Variants in TSPEAR observed in about 807,000 individuals in gnomAD.
The protein encoded by TSPEAR is thrombospondin-type laminin G domain and EAR repeat-containing protein.
A neutral mutation model predicts 71.6 loss-of-function variants in TSPEAR; 69 were observed. The ratio of observed to expected loss-of-function variants is 0.96; its 90% CI spans 0.79 to 1.18. TSPEAR has a LOEUF of 1.18. Among genes scored for constraint, TSPEAR ranks in the 50% most tolerant of loss-of-function variants. The pLI, the probability that TSPEAR is intolerant of heterozygous loss-of-function variation, is 0.00. For missense variants in TSPEAR, 971 were observed against 894.9 expected (o/e 1.09, Z -1.09); for synonymous variants, 402 against 387.2 (o/e 1.04, Z -0.45).
intron 1 of TSPEAR, among the ~76,000 whole-genome samples, chr21:44,610,882 G>A (rs1288501665): frequency 6.6e-6 from 1 of 152,172 alleles, no homozygotes; most frequent in East Asian, 1.9e-4. Context: ...GATCATTTTG[G>A]AGCTTTAAAA....
At chr21:44,508,086 G>T (rs2052246512) in intron 10 of TSPEAR, 1 of 152,248 alleles carries the variant, frequency 6.6e-6, no homozygotes, top group African/African-American at 2.4e-5. Flanking sequence ...TTCCTGGCCT[G>T]TCTACATACC....
intron 10 of TSPEAR, chr21:44,508,988 T>C: frequency 6.6e-7 from 1 of 1,526,454 alleles, no homozygotes; most frequent in Non-Finnish European, 8.9e-7. Context: ...GAACCAAACC[T>C]GTGTCTCAGG....
intron 1 of TSPEAR, among the ~76,000 whole-genome samples, chr21:44,613,384 C>T (rs73907054): frequency 0.025 from 3,810 of 152,290 alleles, 158 homozygotes; most frequent in African/African-American, 0.086. Context: ...GGCTCAGTCC[C>T]GGCTCAGCCC....
intron 1 of TSPEAR, among the ~76,000 whole-genome samples, chr21:44,615,297 G>A (rs923816584): frequency 7.2e-5 from 11 of 152,248 alleles, no homozygotes; most frequent in Admixed American, 1.3e-4. Context: ...CACCCGACCC[G>A]CACACACGCA....
At chr21:44,652,700 T>C (rs1984884675) in intron 1 of TSPEAR, among the ~76,000 whole-genome samples, 2 of 152,164 alleles carry the variant, frequency 1.3e-5, no homozygotes, top group Admixed American at 1.3e-4. Flanking sequence ...AACACTGAAA[T>C]GGCCAAAACT....
intron 1 of TSPEAR, among the ~76,000 whole-genome samples, chr21:44,576,083 T>G (rs1978423553): frequency 6.6e-6 from 1 of 152,182 alleles, no homozygotes; most frequent in African/African-American, 2.4e-5. Flanking sequence ...CTGGAAGAAG[T>G]GCCAACTATT....
At chr21:44,648,580 C>T (rs374007859) in intron 1 of TSPEAR, among the ~76,000 whole-genome samples, 1 of 152,184 alleles carries the variant, frequency 6.6e-6, no homozygotes, top group Non-Finnish European at 1.5e-5. Flanking sequence ...GGAGATGTTT[C>T]CACCTCACCA....
At chr21:44,704,144 G>T (rs994464753) in intron 1 of TSPEAR, among the ~76,000 whole-genome samples, 1 of 152,188 alleles carries the variant, frequency 6.6e-6, no homozygotes, top group Admixed American at 6.5e-5. Flanking sequence ...TTAGAACAGG[G>T]TTGGTGTAAA....
chr21:44,512,545 G>A (rs2052421484), intron 9 of TSPEAR, among the ~76,000 whole-genome samples: 1 of 152,174 alleles, frequency 6.6e-6, no homozygotes, highest in African/African-American at 2.4e-5. Flanking sequence ...GCAGGTGGCA[G>A]GAGCGTAGGG....
intron 1 of TSPEAR, among the ~76,000 whole-genome samples, chr21:44,672,802 T>C (rs1308209118): frequency 1.3e-5 from 2 of 152,170 alleles, no homozygotes; most frequent in African/African-American, 4.8e-5. Context: ...CTCCTGATAG[T>C]GAGTTCTCAC....
At chr21:44,596,220 A>G (rs1555927597) in intron 1 of TSPEAR, among the ~76,000 whole-genome samples, 2 of 152,234 alleles carry the variant, frequency 1.3e-5, no homozygotes, top group African/African-American at 4.8e-5. Flanking sequence ...TGCGGCCTCA[A>G]CGGGCAGCTC....
intron 1 of TSPEAR, among the ~76,000 whole-genome samples, chr21:44,699,377 C>CAAAAAA (rs55846070): frequency 4.0e-4 from 26 of 65,356 alleles, no homozygotes; most frequent in East Asian, 1.0e-3. Context: ...GACACTGTCT[C>CAAAAAA]AAAAAAAAAA....
rs150777153 is a variant in TSPEAR at position 44,557,916 on chromosome 21, A to C, written c.303+9869T>G. The C allele has an allele frequency of 3.8e-3, 4,092 of 1,083,454 alleles. 10 individuals carry two copies. Among genetic ancestry groups the C allele is most frequent in the Non-Finnish European group, 4.8e-3 (3,680 of 759,772 alleles). 67.1% of individuals were successfully genotyped at this position (1,083,454 alleles called of 1,614,324 possible). A position where few individuals can be genotyped will look rare whatever the true frequency, so the allele number is the denominator to read the frequency against. ...AGATGCATGCCTGGAGGGAATCGGC[A>C]TGAAAGCTCAGCATTGCTGGCTGGA... On this transcript the variant is annotated intron_variant, in intron 2 of 11. Transcript: ENST00000323084.
intron 1 of TSPEAR, chr21:44,579,370 T>G: frequency 3.7e-6 from 1 of 273,618 alleles, no homozygotes; most frequent in Non-Finnish European, 6.9e-6. Context: ...CTAGGTTAAG[T>G]CACTCATTCA....
At chr21:44,578,996 C>T (rs781908168) in intron 1 of TSPEAR, among the ~76,000 whole-genome samples, 1 of 152,182 alleles carries the variant, frequency 6.6e-6, no homozygotes, top group Non-Finnish European at 1.5e-5. Context: ...TCGTCCTGAT[C>T]GAGTCCCTTG....
chr21:44,687,200 G>T lies in TSPEAR; in HGVS notation c.82+24233C>A, dbSNP rs1986899359. Among the ~76,000 whole-genome samples, 1 of 152,176 alleles carries T rather than the reference G, an allele frequency of 6.6e-6. No individual in the cohort carries two copies. The highest frequency in any genetic ancestry group is 1.5e-5 in the Non-Finnish European group (1 of 68,024). On this transcript the variant is annotated intron_variant, in intron 1 of 11. Coordinates refer to ENST00000323084, the MANE Select transcript of TSPEAR (RefSeq NM_144991.3). The surrounding 1 kb of genome is among the most constrained non-coding windows in gnomAD (Gnocchi z 4.4). Reference sequence around the variant, plus strand: ...GCGTTTCCCCAGAGGCTGGATTGGGGCCACTGAGGCGGTGTGACAGGGAGG... The same window carrying T: ...GCGTTTCCCCAGAGGCTGGATTGGGTCCACTGAGGCGGTGTGACAGGGAGG...
At chr21:44,575,684 A>T (rs1978389791) in intron 1 of TSPEAR, among the ~76,000 whole-genome samples, 1 of 152,230 alleles carries the variant, frequency 6.6e-6, no homozygotes, top group African/African-American at 2.4e-5. Flanking sequence ...TTCTAGCGCC[A>T]TGCTTGCCCA....
At position 44,612,318 on chromosome 21, in the gene TSPEAR, C is replaced by T. The variant is rs142700218; in HGVS notation, c.83-44313G>A. On this transcript the variant is annotated intron_variant, in intron 1 of 11. Coordinates refer to ENST00000323084, the MANE Select transcript of TSPEAR (RefSeq NM_144991.3). The surrounding 1 kb of genome is among the most constrained non-coding windows in gnomAD (Gnocchi z 4.1). Reference sequence around the variant, plus strand: ...TGCTGTGCCCCAGCCCCCTGCCTGGCCCTGGTCTGTGCCCCAGTGAGCTGT... The same window carrying T: ...TGCTGTGCCCCAGCCCCCTGCCTGGTCCTGGTCTGTGCCCCAGTGAGCTGT... 2.3e-4 allele frequency: 368 copies of T among 1,613,578 alleles called. No homozygotes were observed. The highest frequency in any genetic ancestry group is 1.9e-4 in the Non-Finnish European group (223 of 1,179,996).
chr21:44,697,278 C>T (rs1555950739), intron 1 of TSPEAR: 1 of 1,614,032 alleles, frequency 6.2e-7, no homozygotes, highest in South Asian at 1.1e-5. Context: ...TGCTCCGACT[C>T]CTGGCAGGTG....
Sources: allele counts gnomAD v4.1 joint callset (sites outside exome capture counted in the v4.1 genomes callset), GRCh38; gene constraint gnomAD v4.1.1; non-coding constraint Gnocchi (gnomAD v3.1); transcripts MANE v1.5; gene names NCBI Gene and HGNC (gene_info 2026-07-23, HGNC 2026-07-21).